The following RBFOX2 variants were observed in gnomAD, a reference collection of about 807,000 sequenced individuals.
RBFOX2 encodes RNA binding fox-1 homolog 2, also known as RNA binding protein fox-1 homolog 2.
RBFOX2 carries 10 observed loss-of-function variants against 49.1 expected under a neutral mutation model. The ratio of observed to expected loss-of-function variants is 0.20; its 90% CI spans 0.13 to 0.35. RBFOX2 has a LOEUF of 0.35. RBFOX2 is among the 10% of genes least tolerant of loss of function. RBFOX2 has a pLI of 1.00. For synonymous variants in RBFOX2, 183 were observed against 187.4 expected (o/e 0.98, Z 0.19); for missense variants, 323 against 486.9 (o/e 0.66, Z 3.17).
chr22:35,915,258 T>C (rs975705240), intron 1 of RBFOX2, among the ~76,000 whole-genome samples: 1 of 152,136 alleles, frequency 6.6e-6, no homozygotes, highest in Non-Finnish European at 1.5e-5. Flanking sequence ...AGAAACCCAA[T>C]ACCCTGCCAA....
intron 1 of RBFOX2, among the ~76,000 whole-genome samples, chr22:36,020,761 G>A (rs2059214329): frequency 6.6e-6 from 1 of 152,312 alleles, no homozygotes; most frequent in South Asian, 2.1e-4. Context: ...TGCTGGAGAG[G>A]ATGTGGAGAA....
At chr22:35,924,408 C>A (rs560599358) in intron 1 of RBFOX2, among the ~76,000 whole-genome samples, 6 of 152,296 alleles carry the variant, frequency 3.9e-5, no homozygotes, top group Admixed American at 1.3e-4. Context: ...GGGAAAAGTT[C>A]TACTAATTCA....
At chr22:35,954,340 A>G (rs1603457642) in intron 1 of RBFOX2, among the ~76,000 whole-genome samples, 1 of 152,236 alleles carries the variant, frequency 6.6e-6, no homozygotes, top group African/African-American at 2.4e-5. Context: ...ATTCAGCATA[A>G]GTACACAACA....
At chr22:35,777,137 G>A (rs1045637277) in intron 4 of RBFOX2, among the ~76,000 whole-genome samples, 8 of 150,890 alleles carry the variant, frequency 5.3e-5, no homozygotes, top group East Asian at 3.9e-4. Flanking sequence ...TCAGCCTCCC[G>A]AGTAGCTGGG....
At chr22:36,009,027 A>G (rs984267061) in intron 1 of RBFOX2, among the ~76,000 whole-genome samples, 1 of 152,016 alleles carries the variant, frequency 6.6e-6, no homozygotes, top group Non-Finnish European at 1.5e-5. Flanking sequence ...AAAAAAACTG[A>G]CTCTCGTCAT....
intron 1 of RBFOX2, among the ~76,000 whole-genome samples, chr22:35,813,565 C>G (rs543829169): frequency 6.6e-6 from 1 of 152,256 alleles, no homozygotes; most frequent in East Asian, 1.9e-4. Context: ...TAATTCCTTC[C>G]TTTCCTATAT....
intron 1 of RBFOX2, among the ~76,000 whole-genome samples, chr22:35,988,663 T>C (rs1027449865): frequency 2.0e-5 from 3 of 151,818 alleles, no homozygotes; most frequent in Non-Finnish European, 2.9e-5. Context: ...GGGTGGGAGA[T>C]GAGGTAGGAG....
chr22:35,923,612 T>TA (rs969446969), intron 1 of RBFOX2, among the ~76,000 whole-genome samples: 1 of 152,140 alleles, frequency 6.6e-6, no homozygotes, highest in Non-Finnish European at 1.5e-5. Context: ...TGGTTTTTTT[T>TA]AAAAAGCCAA....
intron 1 of RBFOX2, among the ~76,000 whole-genome samples, chr22:35,905,657 T>C (rs1159868416): frequency 1.3e-5 from 2 of 152,186 alleles, no homozygotes; most frequent in Non-Finnish European, 2.9e-5. Flanking sequence ...AGAGCAGGTA[T>C]AGATATGTAA....
chr22:35,865,040 A>C (rs1231141661), intron 1 of RBFOX2, among the ~76,000 whole-genome samples: 4 of 152,242 alleles, frequency 2.6e-5, no homozygotes, highest in African/African-American at 9.6e-5. Context: ...AGAAGTATTC[A>C]TGGGTCTTTG....
chr22:35,885,318 T>C (rs1357432952), intron 1 of RBFOX2, among the ~76,000 whole-genome samples: 1 of 152,126 alleles, frequency 6.6e-6, no homozygotes, highest in African/African-American at 2.4e-5. Flanking sequence ...ATGATGTTTT[T>C]TACCTAACTG....
At chr22:35,768,068 G>A (rs1476723836) in intron 5 of RBFOX2, among the ~76,000 whole-genome samples, 189 bp downstream of exon 6, 1 of 152,022 alleles carries the variant, frequency 6.6e-6, no homozygotes, top group Non-Finnish European at 1.5e-5. Context: ...AATAAATGAG[G>A]AGGGAGGCAG....
At chr22:35,799,753 G>A (rs191356535) in intron 2 of RBFOX2, among the ~76,000 whole-genome samples, 1 of 152,104 alleles carries the variant, frequency 6.6e-6, no homozygotes, top group Admixed American at 6.6e-5. Flanking sequence ...TTCCAGACCA[G>A]CCAGAGCAAG....
chr22:35,746,845 T>C (rs1414099932), intron 9 of RBFOX2: 2 of 304,822 alleles, frequency 6.6e-6, no homozygotes, highest in African/African-American at 4.3e-5. Context: ...AATGAAGATA[T>C]GATTTTGAAT....
Position 35,817,197 on chromosome 22 carries a change from G to A in RBFOX2, c.28-7193C>T, listed in dbSNP as rs576181256. Among the ~76,000 whole-genome samples the A allele has an allele frequency of 2.6e-5, 4 of 152,228 alleles. No individual in the cohort carries two copies. The South Asian group carries it at 8.3e-4, about 32-fold the overall frequency. On this transcript the variant is annotated intron_variant, in intron 1 of 11. Transcript: ENST00000405409. The stretch of plus-strand genomic sequence containing the variant: ...GTTAAGAGATTAAAGAGGGCATAGA[G>A]GCTAGGCCCCATGGCTCCCAAGGTA...
exon 12 of RBFOX2, chr22:35,741,986 T>C (rs749942759): frequency 1.3e-5 from 2 of 152,316 alleles, no homozygotes; most frequent in Non-Finnish European, 2.9e-5. Context: ...AACTTCTGTT[T>C]TTTTAGTCAG....
chr22:35,895,615 T>C (rs534490081), intron 1 of RBFOX2, among the ~76,000 whole-genome samples: 2 of 152,294 alleles, frequency 1.3e-5, no homozygotes, highest in African/African-American at 2.4e-5. Context: ...CACATCAACA[T>C]AGCCTGGCTT....
chr22:35,839,401 TGAG>T (rs1958298160), intron 1 of RBFOX2, among the ~76,000 whole-genome samples: 1 of 122,318 alleles, frequency 8.2e-6, no homozygotes, highest in African/African-American at 3.2e-5. Context: ...GGGAAAAGGA[TGAG>T]GAGAGAAAGG....
chr22:35,836,090 A>G (rs1193062307), intron 1 of RBFOX2, among the ~76,000 whole-genome samples: 1 of 152,154 alleles, frequency 6.6e-6, no homozygotes, highest in Non-Finnish European at 1.5e-5. Flanking sequence ...CCGTGGATGA[A>G]GGGTGGGATA....
Sources: gnomAD v4.1 joint callset for allele counts (sites outside exome capture counted in the v4.1 genomes callset) on GRCh38, gnomAD v4.1.1 for gene constraint, MANE v1.5 for transcripts, NCBI Gene and HGNC (gene_info 2026-07-23, HGNC 2026-07-21) for gene names.